The following LRP11 variants were observed in gnomAD, a reference collection of about 807,000 sequenced individuals.
The protein encoded by LRP11 is LDL receptor related protein 11, also known as low-density lipoprotein receptor-related protein 11.
A neutral mutation model predicts 43.1 loss-of-function variants in LRP11; 25 were observed. That is an observed-to-expected ratio of 0.58 (90% confidence interval 0.42 to 0.81). The LOEUF is 0.81. Among genes scored for constraint, LRP11 ranks in the 30% least tolerant of loss-of-function variants. The pLI is 0.00. For missense variants in LRP11, 623 were observed against 665.1 expected, an observed-to-expected ratio of 0.94 and a Z score of 0.70; for synonymous variants, 316 against 299.4, an observed-to-expected ratio of 1.06 and a Z score of -0.57.
At chr6:149,822,062 T>G (rs1371731760) in intron 6 of LRP11, among the ~76,000 whole-genome samples, 1 of 152,088 alleles carries the variant, frequency 6.6e-6, no homozygotes, top group Non-Finnish European at 1.5e-5. Flanking sequence ...AACAATGAAG[T>G]GAGGGCCAGG....
At chr6:149,840,249 A>T (rs1776526621) in intron 3 of LRP11, among the ~76,000 whole-genome samples, 1 of 151,930 alleles carries the variant, frequency 6.6e-6, no homozygotes, top group South Asian at 2.1e-4. Context: ...TCTATTTTCC[A>T]ATGTCTCTCT....
intron 1 of LRP11, among the ~76,000 whole-genome samples, chr6:149,859,379 T>C (rs1274185949): frequency 7.7e-5 from 6 of 77,514 alleles, no homozygotes; most frequent in African/African-American, 3.4e-4. Context: ...TGCTGACTCA[T>C]ATATATATAT....
chr6:149,836,970 A>G (rs529973586), intron 4 of LRP11, among the ~76,000 whole-genome samples: 20 of 152,318 alleles, frequency 1.3e-4, no homozygotes, highest in African/African-American at 4.6e-4. Context: ...ATGATATTAT[A>G]AGACTGATTT....
At chr6:149,840,947 G>A (rs780282138) in intron 3 of LRP11, among the ~76,000 whole-genome samples, 4 of 152,134 alleles carry the variant, frequency 2.6e-5, no homozygotes, top group South Asian at 2.1e-4. Flanking sequence ...GATGGAATCC[G>A]GGCTGAGCTG....
At chr6:149,851,411 C>T (rs975616258) in intron 2 of LRP11, among the ~76,000 whole-genome samples, 6 of 152,124 alleles carry the variant, frequency 3.9e-5, no homozygotes, top group African/African-American at 4.8e-5. Context: ...AGGATAGTGG[C>T]GGGCCTGAAA....
In LRP11 at chr6:149,842,991, G is replaced by A. The variant is rs1280375427; in HGVS notation, c.905C>T (p.Ser302Phe). The change falls in exon 3 of 7, where the codon TCC (serine) becomes TTC (phenylalanine). Residue 302 changes from serine to phenylalanine, a missense_variant. Coordinates refer to ENST00000239367, the MANE Select transcript of LRP11 (RefSeq NM_032832.6). ...AAGGACTTTCTTCTCACCTCCTGTG[G>A]AGTAGGCTGCGCGAAGCACTGTCAC... ...VSVTVLRAAYSTGGCLHTCSR... is the reference protein window; with the variant it reads ...VSVTVLRAAYFTGGCLHTCSR... 8.1e-6 allele frequency: 13 copies of A among 1,614,062 alleles called. No homozygotes were observed. Among genetic ancestry groups the A allele is most frequent in the Non-Finnish European group, 1.1e-5 (13 of 1,180,042 alleles).
At chr6:149,839,268 T>G (rs1395547841) in intron 3 of LRP11, among the ~76,000 whole-genome samples, 4 of 151,914 alleles carry the variant, frequency 2.6e-5, no homozygotes, top group African/African-American at 7.3e-5. Context: ...GTGAGGCAAT[T>G]TGAAGATATA....
chr6:149,843,782 T>G (rs188126713), intron 2 of LRP11, among the ~76,000 whole-genome samples: 185 of 152,266 alleles, frequency 1.2e-3, no homozygotes, highest in African/African-American at 4.4e-3. Context: ...TCCACTTGGC[T>G]CCCTGAAAGG....
At chr6:149,837,911 C>CATTTATTT (rs549099221) in intron 3 of LRP11, among the ~76,000 whole-genome samples, 1 of 152,096 alleles carries the variant, frequency 6.6e-6, no homozygotes. Flanking sequence ...ACAGAGATAC[C>CATTTATTT]ATTTATTTAT....
intron 3 of LRP11, chr6:149,842,778 T>G: frequency 7.7e-7 from 1 of 1,295,354 alleles, no homozygotes; most frequent in Non-Finnish European, 1.1e-6. Flanking sequence ...GAGTGCTTCC[T>G]CCACCCCAAC....
chr6:149,836,032 G>C, intron 5 of LRP11, 53 bp downstream of exon 5: 1 of 1,474,562 alleles, frequency 6.8e-7, no homozygotes, highest in East Asian at 2.3e-5. Context: ...TGTGAGCCAA[G>C]TTTGGCTACA....
At chr6:149,830,701 T>G (rs974805013) in intron 5 of LRP11, among the ~76,000 whole-genome samples, 4 of 152,222 alleles carry the variant, frequency 2.6e-5, no homozygotes, top group Non-Finnish European at 5.9e-5. Flanking sequence ...GAGCACTTTC[T>G]TTCTTTAAGA....
Position 149,836,143 on chromosome 6 carries a change from C to G in LRP11, c.1194G>C (p.Glu398Asp), listed in dbSNP as rs1405140541. The G allele has an allele frequency of 6.2e-7, 1 of 1,614,008 alleles. No individual in the cohort carries two copies. The highest frequency in any genetic ancestry group is 1.3e-5 in the African/African-American group (1 of 74,904). ...PNKPPALSNT[E>D]KRNHSAFWGP... ...CCCAAAAGGCGGAATGATTCCTCTTCTCTGTGTTTGATAATGCAGGTGGCT... is the reference window on the plus strand; with the variant it reads ...CCCAAAAGGCGGAATGATTCCTCTTGTCTGTGTTTGATAATGCAGGTGGCT... Residue 398 changes from glutamate to aspartate, a missense_variant, in exon 5 of 7, where the codon GAG becomes GAC. Coordinates refer to ENST00000239367, the MANE Select transcript of LRP11 (RefSeq NM_032832.6).
chr6:149,850,375 G>A (rs1381086292), intron 2 of LRP11, among the ~76,000 whole-genome samples: 1 of 152,136 alleles, frequency 6.6e-6, no homozygotes, highest in Non-Finnish European at 1.5e-5. Flanking sequence ...AAGTTAAAGG[G>A]ATCAGAGGCA....
chr6:149,845,286 A>G (rs563571876), intron 2 of LRP11, among the ~76,000 whole-genome samples: 3 of 152,292 alleles, frequency 2.0e-5, no homozygotes, highest in African/African-American at 7.2e-5. Flanking sequence ...TCTTATCTCT[A>G]ACTGAACATT....
intron 1 of LRP11, among the ~76,000 whole-genome samples, chr6:149,854,505 G>A (rs1057277312): frequency 2.0e-5 from 3 of 152,178 alleles, no homozygotes; most frequent in Non-Finnish European, 2.9e-5. Flanking sequence ...AGGGATGACC[G>A]AAAGGATAAG....
chr6:149,837,699 A>G (rs1776491587), intron 3 of LRP11, among the ~76,000 whole-genome samples: 1 of 152,046 alleles, frequency 6.6e-6, no homozygotes, highest in African/African-American at 2.4e-5. Flanking sequence ...GCTGTTCTCC[A>G]TGCTTGCCTT....
chr6:149,830,004 CCT>C (rs943383249), intron 5 of LRP11, among the ~76,000 whole-genome samples: 3 of 149,362 alleles, frequency 2.0e-5, no homozygotes, highest in African/African-American at 7.4e-5. Context: ...AGATTATTAT[CCT>C]CTTTTTTTTT....
intron 2 of LRP11, among the ~76,000 whole-genome samples, chr6:149,846,705 AGGTG>A (rs1277346347): frequency 6.6e-6 from 1 of 152,146 alleles, no homozygotes; most frequent in African/African-American, 2.4e-5. Context: ...TGGGAGGCTG[AGGTG>A]GGTGGATCAG....
Sources: gnomAD v4.1 joint callset for allele counts (sites outside exome capture counted in the v4.1 genomes callset) on GRCh38, gnomAD v4.1.1 for gene constraint, MANE v1.5 for transcripts, NCBI Gene and HGNC (gene_info 2026-07-23, HGNC 2026-07-21) for gene names.